ZNF254: variants seen among roughly 807,000 people sequenced by gnomAD.
The protein encoded by ZNF254 is CTD-2017D11.1.
Under a neutral mutation model 12.4 loss-of-function variants are expected in ZNF254, and 10 were observed. The observed-to-expected ratio is 0.80, with a 90% CI of 0.50 to 1.36. The LOEUF is 1.36. Ranked by LOEUF, ZNF254 falls within the 40% of genes most tolerant of loss-of-function variation. The probability of loss-of-function intolerance (pLI) is 0.00; values close to 1 mark genes in which losing one functional copy is unlikely to be tolerated. For synonymous variants in ZNF254, 305 were observed against 253.4 expected (o/e 1.20, Z -1.93); for missense variants, 996 against 763.9 (o/e 1.30, Z -3.58).
chr19:24,100,388 GAA>G (rs200215068), intron 1 of ZNF254, among the ~76,000 whole-genome samples: 59 of 85,034 alleles, frequency 6.9e-4, no homozygotes, highest in African/African-American at 1.9e-3. Flanking sequence ...CTTGAAATTT[GAA>G]AAAAAAAAAA....
At chr19:24,084,531 T>C (rs1377902304), upstream of ZNF254, among the ~76,000 whole-genome samples, 5 of 152,234 alleles carry the variant, frequency 3.3e-5, no homozygotes, top group East Asian at 9.7e-4. Flanking sequence ...CCAAACATCT[T>C]CTGTACCTTA....
chr19:24,047,250 T>C (rs904545515), intron 2 of ZNF254, among the ~76,000 whole-genome samples: 2 of 152,050 alleles, frequency 1.3e-5, no homozygotes, highest in African/African-American at 4.8e-5. Flanking sequence ...CTCTTCCTTT[T>C]TTTTGTTTTG....
At chr19:24,091,613 C>T (rs1972388843) in intron 1 of ZNF254, among the ~76,000 whole-genome samples, 1 of 152,044 alleles carries the variant, frequency 6.6e-6, no homozygotes, top group Admixed American at 6.6e-5. Flanking sequence ...CTTCCTCAGC[C>T]TCCGGAGTAG....
At chr19:24,070,290 G>A (rs1318897687) in intron 2 of ZNF254, among the ~76,000 whole-genome samples, 1 of 152,202 alleles carries the variant, frequency 6.6e-6, no homozygotes, top group East Asian at 1.9e-4. Context: ...TGCATTGAAT[G>A]CCCTTACATG....
intron 3 of ZNF254, among the ~76,000 whole-genome samples, chr19:24,117,541 G>T (rs753983698): frequency 2.0e-5 from 3 of 152,272 alleles, no homozygotes; most frequent in South Asian, 4.1e-4. Flanking sequence ...ATTTAAGCCC[G>T]TCGGAAAAGC....
intron 1 of ZNF254, chr19:24,098,615 T>C (rs1972810518): frequency 6.6e-6 from 1 of 152,218 alleles, no homozygotes; most frequent in Non-Finnish European, 1.5e-5. Flanking sequence ...GAAATTCTTT[T>C]TAGAGGAATA....
intron 1 of ZNF254, among the ~76,000 whole-genome samples, chr19:24,044,162 C>T (rs1228257814): frequency 6.6e-6 from 1 of 151,638 alleles, no homozygotes; most frequent in Admixed American, 6.6e-5. Flanking sequence ...ATTGCTTGAA[C>T]CCGGGAGGCG....
chr19:24,055,044 AT>A (rs1970788035), intron 2 of ZNF254, among the ~76,000 whole-genome samples: 1 of 151,420 alleles, frequency 6.6e-6, no homozygotes, highest in Non-Finnish European at 1.5e-5. Context: ...CTACTAAAAA[AT>A]ACAAAAAATT....
chr19:24,041,297 T>G (rs1263670967), intron 1 of ZNF254, among the ~76,000 whole-genome samples: 1 of 152,162 alleles, frequency 6.6e-6, no homozygotes, highest in Non-Finnish European at 1.5e-5. Context: ...TCCCTCAGCT[T>G]GCAGGGAGGT....
intron 2 of ZNF254, among the ~76,000 whole-genome samples, chr19:24,051,956 G>T (rs1384430533): frequency 6.6e-6 from 1 of 152,062 alleles, no homozygotes. Flanking sequence ...ATGTTTTTGG[G>T]CCCGTAATTT....
chr19:24,113,565 C>T (rs1326367965), intron 3 of ZNF254, among the ~76,000 whole-genome samples: 1 of 152,130 alleles, frequency 6.6e-6, no homozygotes, highest in Non-Finnish European at 1.5e-5. Context: ...ATGCCAAACC[C>T]ACAGCCAATA....
intron 1 of ZNF254, among the ~76,000 whole-genome samples, chr19:24,101,827 C>G (rs73021432): frequency 0.15 from 22,750 of 152,138 alleles, 1,743 homozygotes; most frequent in Middle Eastern, 0.17. Flanking sequence ...GTCAGGCTGA[C>G]AAGAGTGGGC....
chr19:24,128,060 G>C lies in ZNF254; in HGVS notation c.*80G>C. On this transcript the variant is annotated 3_prime_UTR_variant, in exon 4 of 4. Transcript: ENST00000357002. ...CCTACTGGAGAGAAACTACAAACCT[G>C]AGAGAGGCGCTAATGCTTTTGACAG... 2 of 1,382,916 alleles carry C rather than the reference G, an allele frequency of 1.4e-6. No homozygotes were observed. Among genetic ancestry groups the C allele is most frequent in the African/African-American group, 2.9e-5 (2 of 69,100 alleles). The allele number at this position is 1,382,916 out of a possible 1,614,324, so 85.7% of individuals were successfully genotyped here. A position where few individuals can be genotyped will look rare whatever the true frequency, so the allele number is the denominator to read the frequency against.
chr19:24,121,822 T>C (rs1344513460), intron 3 of ZNF254, among the ~76,000 whole-genome samples: 2 of 152,196 alleles, frequency 1.3e-5, no homozygotes, highest in African/African-American at 4.8e-5. Context: ...CCCAAAGTGC[T>C]GGGATTACAG....
rs1168318547 is a variant in ZNF254 at position 24,129,896 on chromosome 19, T to C, written c.*1916T>C. ...TGTGACCTTTGCCTGCAAGCACATA[T>C]GGACTCTTAGAATTGATTTACATAA... On this transcript the variant is annotated 3_prime_UTR_variant, in exon 4 of 4. Coordinates refer to ENST00000357002, the MANE Select transcript of ZNF254 (RefSeq NM_203282.4). 1.3e-5 allele frequency: 2 copies of C among 152,108 alleles called. No individual in the cohort carries two copies. Among genetic ancestry groups the C allele is most frequent in the African/African-American group, 2.4e-5 (1 of 41,448 alleles). The allele number at this position is 152,108 out of a possible 1,614,324, so 9.4% of individuals were successfully genotyped here. A position where few individuals can be genotyped will look rare whatever the true frequency, so the allele number is the denominator to read the frequency against.
intron 3 of ZNF254, among the ~76,000 whole-genome samples, chr19:24,115,007 T>G (rs1973943489): frequency 6.6e-6 from 1 of 152,286 alleles, no homozygotes; most frequent in African/African-American, 2.4e-5. Flanking sequence ...ATGGCAATCA[T>G]TAAAAAGTCA....
chr19:24,080,929 T>C (rs1488909807), intron 2 of ZNF254, among the ~76,000 whole-genome samples: 1 of 151,186 alleles, frequency 6.6e-6, no homozygotes, highest in Non-Finnish European at 1.5e-5. Context: ...AATACAAAAT[T>C]AGCTGGGCGT....
chr19:24,058,095 C>G (rs1001020016), intron 2 of ZNF254, among the ~76,000 whole-genome samples: 1 of 152,160 alleles, frequency 6.6e-6, no homozygotes, highest in Non-Finnish European at 1.5e-5. Context: ...TATCTCAGAG[C>G]CTTGCACCCA....
rs570353427 is a variant in ZNF254, at chr19:24,067,531, G to C, written c.-94+21252G>C. On this transcript the variant is annotated intron_variant, in intron 2 of 4. Coordinates refer to the ZNF254 transcript ENST00000613065. ...TGATTGTGCCATATAGCTGGGCCCA[G>C]CTCCTACGTTATCTGACTCCTGTTT... Among the ~76,000 whole-genome samples the C allele has an allele frequency of 2.6e-5, 4 of 152,106 alleles. No individual in the cohort carries two copies. In the East Asian group the frequency reaches 5.8e-4, roughly 22 times the overall value.
Sources: gnomAD v4.1 joint callset for allele counts (sites outside exome capture counted in the v4.1 genomes callset) on GRCh38, gnomAD v4.1.1 for gene constraint, MANE v1.5 for transcripts, NCBI Gene and HGNC (gene_info 2026-07-23, HGNC 2026-07-21) for gene names.